Variants in UNC93A observed in about 807,000 individuals in gnomAD.
The protein encoded by UNC93A is N-acetylglucosamine transporter UNC93A.
A neutral mutation model predicts 47.5 loss-of-function variants in UNC93A; 43 were observed. The observed-to-expected ratio is 0.91, with a 90% CI of 0.71 to 1.17. The LOEUF is 1.17. UNC93A is among the 50% of genes most tolerant of loss of function. The probability of loss-of-function intolerance (pLI) is 0.00; values close to 1 mark genes in which losing one functional copy is unlikely to be tolerated. For missense variants in UNC93A, 605 were observed against 577.6 expected, an observed-to-expected ratio of 1.05 and a Z score of -0.49; for synonymous variants, 280 against 258.0, an observed-to-expected ratio of 1.09 and a Z score of -0.82.
chr6:167,283,058 A>G (rs536840060), intron 1 of UNC93A, among the ~76,000 whole-genome samples: 1 of 152,332 alleles, frequency 6.6e-6, no homozygotes, highest in Non-Finnish European at 1.5e-5. Context: ...AATGTTTCCC[A>G]TTCAGACATT....
intron 7 of UNC93A, among the ~76,000 whole-genome samples, chr6:167,310,574 A>AT (rs545995563): frequency 6.6e-6 from 1 of 152,216 alleles, no homozygotes; most frequent in African/African-American, 2.4e-5. Flanking sequence ...GGAAAAAGTA[A>AT]TTTTTTTCAA....
Position 167,307,869 on chromosome 6 carries a change from T to A in UNC93A, c.1067T>A (p.Leu356Gln). Residue 356 changes from leucine to glutamine, a missense_variant, in exon 7 of 8, where the codon CTG (leucine) becomes CAG (glutamine). Physicochemically the swap from Leu to Gln is moderately radical, Grantham distance 113. Transcript: ENST00000230256. ...HLAVFFVFSG[L>Q]WGVADAVWQT... is the part of the protein sequence containing the mutation. ...GCAGTGTTCTTCGTATTCTCTGGCC[T>A]GTGGGGCGTGGCAGATGCCGTCTGG... 1.2e-6 allele frequency: 2 copies of A among 1,613,980 alleles called. No homozygotes were observed. Among genetic ancestry groups the A allele is most frequent in the Non-Finnish European group, 1.7e-6 (2 of 1,179,874 alleles).
upstream of UNC93A, among the ~76,000 whole-genome samples, chr6:167,270,772 G>A (rs932683493): frequency 1.1e-4 from 16 of 152,174 alleles, no homozygotes; most frequent in African/African-American, 3.4e-4. Flanking sequence ...GTCTACAAAC[G>A]AGGGTTTCCC....
At chr6:167,273,095 G>A (rs567022743) in intron 1 of UNC93A, among the ~76,000 whole-genome samples, 6 of 152,286 alleles carry the variant, frequency 3.9e-5, no homozygotes, top group Non-Finnish European at 8.8e-5. Context: ...TAACGTGAAC[G>A]TGCTCCTCTT....
intron 1 of UNC93A, among the ~76,000 whole-genome samples, chr6:167,278,082 C>T (rs967199344): frequency 1.3e-5 from 2 of 152,202 alleles, no homozygotes; most frequent in African/African-American, 4.8e-5. Context: ...ATTAGAGCTA[C>T]AGAATGTCTT....
chr6:167,303,848 A>G, intron 4 of UNC93A, 71 bp from the exon 5 acceptor site: 1 of 1,515,314 alleles, frequency 6.6e-7, no homozygotes, highest in Non-Finnish European at 9.1e-7. Flanking sequence ...TGAGTGACTG[A>G]AACAAATCCT....
chr6:167,288,449 T>TACACACACACACAC (rs10586281), upstream of UNC93A, among the ~76,000 whole-genome samples: 20 of 134,854 alleles, frequency 1.5e-4, no homozygotes, highest in Admixed American at 3.6e-4. Context: ...TGTTCTTCCT[T>TACACACACACACAC]ACACACACAC....
upstream of UNC93A, among the ~76,000 whole-genome samples, chr6:167,288,953 C>G (rs1425367985): frequency 6.6e-6 from 1 of 152,278 alleles, no homozygotes; most frequent in Non-Finnish European, 1.5e-5. Flanking sequence ...AGCAGATCTA[C>G]AGAACCACCT....
chr6:167,312,126 CT>C (rs1410961068), intron 7 of UNC93A, among the ~76,000 whole-genome samples: 1 of 152,142 alleles, frequency 6.6e-6, no homozygotes, highest in African/African-American at 2.4e-5. Context: ...AGTCTGTAGG[CT>C]GTTCCTTAAT....
chr6:167,283,563 T>G (rs915702100), intron 1 of UNC93A, among the ~76,000 whole-genome samples: 1 of 151,788 alleles, frequency 6.6e-6, no homozygotes, highest in Non-Finnish European at 1.5e-5. Flanking sequence ...GGGAAAGAGG[T>G]GGGTGCAGGT....
intron 7 of UNC93A, 134 bp downstream of exon 7, chr6:167,308,044 G>C: frequency 8.1e-7 from 1 of 1,235,174 alleles, no homozygotes; most frequent in Non-Finnish European, 1.1e-6. Flanking sequence ...AGGGCCAAGA[G>C]GGCTTTGATG....
chr6:167,297,985 T>C lies in UNC93A; in HGVS notation c.540T>C (p.Ser180=). ...PEEQLTSCGA[S]DCLMATTTTN... ...AGCAGCTCACGTCCTGTGGGGCCAG[T>C]GACTGCCTGATGGCCACCACAACCA... Residue 180 remains serine, a synonymous_variant, in exon 4 of 8, where the codon AGT becomes AGC. Coordinates refer to ENST00000230256, the MANE Select transcript of UNC93A (RefSeq NM_018974.4). 6.2e-7 allele frequency: 1 copy of C among 1,614,084 alleles called. No homozygotes were observed. Among genetic ancestry groups the C allele is most frequent in the Non-Finnish European group, 8.5e-7 (1 of 1,180,024 alleles).
intron 7 of UNC93A, among the ~76,000 whole-genome samples, chr6:167,308,808 A>T (rs1182164727): frequency 6.6e-6 from 1 of 151,980 alleles, no homozygotes; most frequent in East Asian, 1.9e-4. Context: ...CACAACAATC[A>T]ATTCCAAAAG....
Position 167,296,156 on chromosome 6 carries a change from G to T in UNC93A, c.394G>T (p.Asp132Tyr). 1.2e-6 allele frequency: 2 copies of T among 1,614,246 alleles called. No homozygotes were observed. The highest frequency in any genetic ancestry group is 1.7e-6 in the Non-Finnish European group (2 of 1,180,058). The change falls in exon 3 of 8, where the codon GAC becomes TAC. Residue 132 changes from aspartate (D) to tyrosine (Y), a missense_variant. Coordinates refer to ENST00000230256, the MANE Select transcript of UNC93A (RefSeq NM_018974.4). ...AGAGAAGGCGGGAAAGCGTGGCAAA[G>T]ACATGGTGAACCAGTATTTTGGCAT... ...HAEKAGKRGK[D>Y]MVNQYFGIFF...
upstream of UNC93A, among the ~76,000 whole-genome samples, chr6:167,287,034 C>T (rs1484819756): frequency 1.3e-5 from 2 of 151,214 alleles, no homozygotes; most frequent in Non-Finnish European, 2.9e-5. Context: ...TTCTGCCCCT[C>T]ATCCAGGCTT....
intron 1 of UNC93A, among the ~76,000 whole-genome samples, chr6:167,272,840 G>A (rs1783471155): frequency 6.6e-6 from 1 of 152,134 alleles, no homozygotes; most frequent in African/African-American, 2.4e-5. Flanking sequence ...GCTTCAGAGG[G>A]AACAGATCAC....
chr6:167,295,394 C>T (rs1778034074), intron 2 of UNC93A, among the ~76,000 whole-genome samples: 1 of 151,820 alleles, frequency 6.6e-6, no homozygotes, highest in Non-Finnish European at 1.5e-5. Context: ...CCCTCGTGCT[C>T]CTCGCCTCCC....
intron 1 of UNC93A, among the ~76,000 whole-genome samples, chr6:167,283,832 G>A (rs1463698060): frequency 6.6e-6 from 1 of 152,124 alleles, no homozygotes; most frequent in Non-Finnish European, 1.5e-5. Flanking sequence ...CCAAAAACCA[G>A]CATCAATAAC....
Position 167,307,785 on chromosome 6 carries a change from T to G in UNC93A, c.983T>G (p.Val328Gly), listed in dbSNP as rs758878977. The G allele has an allele frequency of 9.4e-6, 15 of 1,592,090 alleles. No homozygotes were observed. The Admixed American group carries it at 2.6e-4, about 27-fold the overall frequency. ...TTCCCCTCTGCACCCCCAGGCGCGG[T>G]GACCCACGTGTCCTGCATGATTGCC... is the stretch of plus-strand genomic sequence containing the variant. ...GRAVLYVLGA[V>G]THVSCMIALL... Residue 328 changes from valine (V) to glycine (G), a missense_variant, in exon 7 of 8, where the codon GTG becomes GGG. Transcript: ENST00000230256.
Sources: allele counts gnomAD v4.1 joint callset (sites outside exome capture counted in the v4.1 genomes callset), GRCh38; gene constraint gnomAD v4.1.1; transcripts MANE v1.5; gene names NCBI Gene and HGNC (gene_info 2026-07-23, HGNC 2026-07-21).